The following CCDC167 variants were observed in gnomAD, a reference collection of about 807,000 sequenced individuals.
CCDC167 encodes the protein coiled-coil domain containing 167, also known as coiled-coil domain-containing protein 167.
Under a neutral mutation model 12.7 loss-of-function variants are expected in CCDC167, and 15 were observed. The ratio of observed to expected loss-of-function variants is 1.18; its 90% CI spans 0.79 to 1.81. CCDC167 has a LOEUF of 1.81. Ranked by LOEUF, CCDC167 falls within the 40% of genes most tolerant of loss-of-function variation. CCDC167 has a pLI of 0.00. For missense variants in CCDC167, 121 were observed against 120.1 expected (o/e 1.01, Z -0.03); for synonymous variants, 52 against 49.0 (o/e 1.06, Z -0.26).
chr6:37,491,577 T>G (rs1041124468), intron 1 of CCDC167, among the ~76,000 whole-genome samples: 8 of 152,180 alleles, frequency 5.3e-5, no homozygotes, highest in Non-Finnish European at 1.0e-4. Flanking sequence ...TACTGGGCAC[T>G]CAGACCTTCC....
chr6:37,491,737 T>C (rs1246305186), intron 1 of CCDC167, among the ~76,000 whole-genome samples: 1 of 152,242 alleles, frequency 6.6e-6, no homozygotes, highest in Non-Finnish European at 1.5e-5. Context: ...AACACTTCTG[T>C]AGTCTGTGCT....
At chr6:37,495,252 C>T (rs1762085154) in intron 1 of CCDC167, among the ~76,000 whole-genome samples, 1 of 152,212 alleles carries the variant, frequency 6.6e-6, no homozygotes, top group African/African-American at 2.4e-5. Context: ...AGGATACCGG[C>T]TAAGACACCA....
rs758740406 is a variant in CCDC167, at chr6:37,483,295, A to G, written c.191-6T>C. On this transcript the variant is annotated splice_polypyrimidine_tract_variant and splice_region_variant and intron_variant, in intron 3 of 3. Transcript: ENST00000373408. ...AAGAAACTTCAGTTCCTTCTCTGGG[A>G]GGAAAGAGGGTGATAGGGATAGGAC... 2.5e-6 allele frequency: 4 copies of G among 1,606,522 alleles called. No individual in the cohort carries two copies. The highest frequency in any genetic ancestry group is 3.4e-6 in the Non-Finnish European group (4 of 1,173,234).
chr6:37,494,056 CTTTTTT>C (rs70977666), intron 1 of CCDC167, among the ~76,000 whole-genome samples: 69 of 91,390 alleles, frequency 7.6e-4, no homozygotes, highest in African/African-American at 2.2e-3. Flanking sequence ...GTGATCCTGC[CTTTTTT>C]TTTTTTTTTT....
rs187540238 is a variant in CCDC167, at chr6:37,492,200, C to A, written c.43-7006G>T. ...GGGTTTTTCTGCTTCAGGGCTTATGCTCTTTCCACCACTTCAAGCTCTTTC... is the reference window on the plus strand; with the variant it reads ...GGGTTTTTCTGCTTCAGGGCTTATGATCTTTCCACCACTTCAAGCTCTTTC... On this transcript the variant is annotated intron_variant, in intron 1 of 3. Coordinates refer to ENST00000373408, the MANE Select transcript of CCDC167 (RefSeq NM_138493.3). 3.4e-3 allele frequency among the ~76,000 whole-genome samples: 519 copies of A among 152,316 alleles called. 5 individuals are homozygous for A. The highest frequency in any genetic ancestry group is 3.7e-3 in the Non-Finnish European group (249 of 68,036).
At chr6:37,493,635 G>A (rs894805433) in intron 1 of CCDC167, among the ~76,000 whole-genome samples, 6 of 152,250 alleles carry the variant, frequency 3.9e-5, no homozygotes, top group African/African-American at 1.4e-4. Context: ...ACAGTCCTCT[G>A]CGTGCTGCGA....
intron 1 of CCDC167, among the ~76,000 whole-genome samples, chr6:37,493,121 C>T (rs925571825): frequency 8.5e-5 from 13 of 152,192 alleles, no homozygotes; most frequent in African/African-American, 3.1e-4. Context: ...AGCCTAGGGG[C>T]TTGTCGCTCG....
At chr6:37,488,722 C>G (rs1761976868) in intron 1 of CCDC167, among the ~76,000 whole-genome samples, 1 of 152,158 alleles carries the variant, frequency 6.6e-6, no homozygotes, top group Non-Finnish European at 1.5e-5. Flanking sequence ...GTTCTGTGCT[C>G]AGTTGACTCA....
intron 1 of CCDC167, among the ~76,000 whole-genome samples, chr6:37,491,749 T>G (rs1292570023): frequency 6.6e-6 from 1 of 152,228 alleles, no homozygotes; most frequent in Non-Finnish European, 1.5e-5. Context: ...GTCTGTGCTG[T>G]GTGCCAGGCA....
chr6:37,493,567 G>T (rs1182694639), intron 1 of CCDC167, among the ~76,000 whole-genome samples: 2 of 152,252 alleles, frequency 1.3e-5, no homozygotes, highest in Non-Finnish European at 2.9e-5. Flanking sequence ...GCCCAATGGC[G>T]ACCTGTCGCT....
chr6:37,487,871 G>C (rs1761968108), intron 1 of CCDC167, among the ~76,000 whole-genome samples: 1 of 152,206 alleles, frequency 6.6e-6, no homozygotes, highest in South Asian at 2.1e-4. Flanking sequence ...ACTTTTTAAT[G>C]AGGCTTAAAC....
chr6:37,495,349 GAC>G (rs1762086015), intron 1 of CCDC167, among the ~76,000 whole-genome samples: 2 of 152,164 alleles, frequency 1.3e-5, no homozygotes, highest in African/African-American at 4.8e-5. Context: ...AAAGTGCAAT[GAC>G]AAAGGAACAG....
intron 1 of CCDC167, 136 bp downstream of exon 1, chr6:37,499,686 G>C (rs1762140807): frequency 2.0e-6 from 2 of 1,004,032 alleles, no homozygotes; most frequent in African/African-American, 1.6e-5. Flanking sequence ...CACCCCTCCC[G>C]TCCCTCTCCC....
Position 37,485,182 on chromosome 6 carries a change from C to T in CCDC167, c.55G>A (p.Glu19Lys), listed in dbSNP as rs182560866. The T allele has an allele frequency of 1.2e-5, 19 of 1,613,250 alleles. No individual in the cohort carries two copies. The change falls in exon 2 of 4, where the codon GAG becomes AAG. Residue 19 changes from glutamate to lysine, a missense_variant. Glu to Lys is a moderately conservative substitution (Grantham distance 56). Transcript: ENST00000373408. ...LGVALEIDGL[E>K]EKLSQCRRDL... ...CTCCGACACTGGGACAGCTTCTCCT[C>T]TAGCCCATCGATCTGAAACAAAGGC...
intron 1 of CCDC167, among the ~76,000 whole-genome samples, chr6:37,486,214 A>G (rs1424246477): frequency 6.6e-6 from 1 of 152,206 alleles, no homozygotes; most frequent in Non-Finnish European, 1.5e-5. Context: ...GACATGGCAA[A>G]TAAGACCTCC....
chr6:37,490,245 T>G (rs1762001091), intron 1 of CCDC167, among the ~76,000 whole-genome samples: 1 of 152,018 alleles, frequency 6.6e-6, no homozygotes, highest in African/African-American at 2.4e-5. Context: ...AGGAACAGGT[T>G]GGAGAGTGTG....
At chr6:37,496,081 C>T (rs1303439195) in intron 1 of CCDC167, among the ~76,000 whole-genome samples, 1 of 152,180 alleles carries the variant, frequency 6.6e-6, no homozygotes, top group Non-Finnish European at 1.5e-5. Flanking sequence ...GAGGGTAAAA[C>T]AATGGAATCT....
intron 1 of CCDC167, among the ~76,000 whole-genome samples, chr6:37,492,831 T>C (rs546815144): frequency 6.6e-6 from 1 of 152,174 alleles, no homozygotes; most frequent in Non-Finnish European, 1.5e-5. Flanking sequence ...GGCTTTCCAT[T>C]TGGAGCCTTC....
intron 1 of CCDC167, among the ~76,000 whole-genome samples, chr6:37,489,474 C>T (rs999133043): frequency 2.0e-5 from 3 of 152,180 alleles, no homozygotes; most frequent in Admixed American, 6.5e-5. Context: ...TGCGATCCTT[C>T]CCTGGGACAA....
Sources: allele counts gnomAD v4.1 joint callset (sites outside exome capture counted in the v4.1 genomes callset), GRCh38; gene constraint gnomAD v4.1.1; transcripts MANE v1.5; gene names NCBI Gene and HGNC (gene_info 2026-07-23, HGNC 2026-07-21).